FBXL4: variants seen among roughly 807,000 people sequenced by gnomAD.
FBXL4 encodes F-box/LRR-repeat protein 4.
Under a neutral mutation model 58.9 loss-of-function variants are expected in FBXL4, and 40 were observed. The observed-to-expected ratio is 0.68, with a 90% CI of 0.53 to 0.88. FBXL4 has a LOEUF of 0.88. Among genes scored for constraint, FBXL4 ranks in the 40% least tolerant of loss-of-function variants. The pLI, the probability that FBXL4 is intolerant of heterozygous loss-of-function variation, is 0.00. For synonymous variants in FBXL4, 263 were observed against 265.5 expected, an observed-to-expected ratio of 0.99 and a Z score of 0.09; for missense variants, 676 against 734.4, an observed-to-expected ratio of 0.92 and a Z score of 0.92.
At chr6:98,896,394 T>C (rs1771411201) in intron 7 of FBXL4, among the ~76,000 whole-genome samples, 1 of 152,140 alleles carries the variant, frequency 6.6e-6, no homozygotes, top group African/African-American at 2.4e-5. Context: ...AATCAGCTGA[T>C]TATTTTGCCA....
intron 7 of FBXL4, chr6:98,897,359 A>C: frequency 1.0e-6 from 1 of 984,668 alleles, no homozygotes; most frequent in Non-Finnish European, 1.2e-6. Flanking sequence ...ACACAGGCTA[A>C]TATCATCTGG....
intron 5 of FBXL4, among the ~76,000 whole-genome samples, chr6:98,915,560 G>C (rs1418103417): frequency 6.6e-6 from 1 of 151,214 alleles, no homozygotes; most frequent in Non-Finnish European, 1.5e-5. Flanking sequence ...AGAAAAACAA[G>C]CAATGGGGAA....
chr6:98,931,962 G>C (rs1773030241), intron 2 of FBXL4, among the ~76,000 whole-genome samples: 1 of 152,128 alleles, frequency 6.6e-6, no homozygotes, highest in Non-Finnish European at 1.5e-5. Context: ...TATCCCTATG[G>C]GCAATGAACC....
intron 1 of FBXL4, among the ~76,000 whole-genome samples, chr6:98,939,731 A>C (rs1435735637): frequency 6.6e-6 from 1 of 152,236 alleles, no homozygotes; most frequent in Admixed American, 6.5e-5. Flanking sequence ...TTCCGACATT[A>C]CCAGTGGCAC....
In FBXL4 at chr6:98,874,370, C is replaced by A; in HGVS notation, c.1774G>T (p.Val592Leu). The A allele has an allele frequency of 1.9e-6, 3 of 1,613,300 alleles. No homozygotes were observed. Among genetic ancestry groups the A allele is most frequent in the Non-Finnish European group, 2.5e-6 (3 of 1,179,646 alleles). The part of the protein sequence containing the change: ...ESCKDLSLLD[V>L]SFCSQIDNRA... ...TTATCAATCTGCGAACAGAAGGACA[C>A]ATCAAGTAAAGAAAGATCTTTACAA... Residue 592 changes from valine to leucine, a missense_variant, in exon 10 of 10, where the codon GTG (valine) becomes TTG (leucine). By Grantham distance (32) the Val-to-Leu change is conservative (BLOSUM62 1). Transcript: ENST00000369244.
intron 4 of FBXL4, among the ~76,000 whole-genome samples, chr6:98,918,506 T>C (rs969189371): frequency 2.6e-5 from 4 of 152,162 alleles, no homozygotes; most frequent in African/African-American, 9.6e-5. Flanking sequence ...GCCTAACTTA[T>C]ATTCCATCTC....
In FBXL4 at chr6:98,917,419, G is replaced by T; in HGVS notation, c.813C>A (p.Leu271=). 1 of 1,612,386 alleles carries T rather than the reference G, an allele frequency of 6.2e-7. No individual in the cohort carries two copies. The highest frequency in any genetic ancestry group is 8.5e-7 in the Non-Finnish European group (1 of 1,179,294). Residue 271 remains leucine (L), a synonymous_variant, in exon 5 of 10, where the codon CTC becomes CTA. Coordinates refer to ENST00000369244, the MANE Select transcript of FBXL4 (RefSeq NM_001278716.2). ...AATACCCATTATTTGGCCCTTCCCC[G>T]AGGACAGCACTGCTAAACTTTTTGT... ...SLNKKFSSAV[L]GEGPNNGYFD...
chr6:98,907,344 G>A (rs112910902), intron 5 of FBXL4, among the ~76,000 whole-genome samples: 105 of 152,312 alleles, frequency 6.9e-4, no homozygotes, highest in African/African-American at 2.4e-3. Flanking sequence ...CATTGTGGGC[G>A]TGCTACTGGG....
intron 7 of FBXL4, among the ~76,000 whole-genome samples, chr6:98,884,661 T>C (rs1770971466): frequency 6.6e-6 from 1 of 152,212 alleles, no homozygotes; most frequent in Admixed American, 6.5e-5. Flanking sequence ...CATCACAATC[T>C]GTCTAAAAAT....
chr6:98,899,520 A>C, intron 6 of FBXL4, 39 bp from the exon 7 acceptor site: 1 of 1,581,942 alleles, frequency 6.3e-7, no homozygotes, highest in Non-Finnish European at 8.6e-7. Context: ...TATAAAACTA[A>C]AAGATATTTT....
chr6:98,945,191 T>G (rs1327611714), intron 1 of FBXL4, among the ~76,000 whole-genome samples: 2 of 152,144 alleles, frequency 1.3e-5, no homozygotes, highest in African/African-American at 4.8e-5. Context: ...AACATGACAG[T>G]ATACAGAATA....
chr6:98,904,828 T>A (rs1347038838), intron 6 of FBXL4, among the ~76,000 whole-genome samples: 1 of 152,184 alleles, frequency 6.6e-6, no homozygotes, highest in Non-Finnish European at 1.5e-5. Flanking sequence ...AATATGCACT[T>A]GTGCAAGCTT....
Position 98,874,270 on chromosome 6 carries a change from A to T in FBXL4, c.*8T>A. 1 of 1,572,770 alleles carries T rather than the reference A, an allele frequency of 6.4e-7. No individual in the cohort carries two copies. The highest frequency in any genetic ancestry group is 8.6e-7 in the Non-Finnish European group (1 of 1,165,956). ...GCACATTAATTTTAATACAGAACATATATTAAGTCACTGAGTAAAGCTCTT... is the reference window on the plus strand; with the variant it reads ...GCACATTAATTTTAATACAGAACATTTATTAAGTCACTGAGTAAAGCTCTT... On this transcript the variant is annotated 3_prime_UTR_variant, in exon 10 of 10. Transcript: ENST00000369244.
intron 7 of FBXL4, among the ~76,000 whole-genome samples, chr6:98,884,967 T>G (rs924174853): frequency 2.6e-5 from 4 of 152,210 alleles, no homozygotes; most frequent in Admixed American, 2.6e-4. Context: ...TGGGCTTAAC[T>G]TAGCGACTCA....
At chr6:98,917,167 G>A (rs906542585) in intron 5 of FBXL4, among the ~76,000 whole-genome samples, 1 of 152,088 alleles carries the variant, frequency 6.6e-6, no homozygotes, top group Admixed American at 6.6e-5. Flanking sequence ...AGTTTACCCA[G>A]AAACACTAAT....
chr6:98,923,626 G>T (rs1314397411), intron 4 of FBXL4, among the ~76,000 whole-genome samples: 1 of 152,130 alleles, frequency 6.6e-6, no homozygotes, highest in African/African-American at 2.4e-5. Context: ...CCACAGATTA[G>T]GTTCTCCCCT....
chr6:98,880,047 C>CA (rs1325438510), intron 8 of FBXL4, among the ~76,000 whole-genome samples: 2 of 150,072 alleles, frequency 1.3e-5, no homozygotes, highest in East Asian at 1.9e-4. Context: ...TTTCCACACA[C>CA]AAAAAAGAGT....
chr6:98,899,607 A>C, intron 6 of FBXL4, 126 bp from the exon 7 acceptor site: 1 of 1,189,610 alleles, frequency 8.4e-7, no homozygotes, highest in East Asian at 2.6e-5. Context: ...AAAATGTAAA[A>C]TTTGTTTTGC....
rs1295393355 is a variant in FBXL4, at chr6:98,872,010, A to G, written c.*2268T>C. 1 of 152,242 alleles carries G rather than the reference A, an allele frequency of 6.6e-6. No individual in the cohort carries two copies. The highest frequency in any genetic ancestry group is 1.5e-5 in the Non-Finnish European group (1 of 68,030). The allele number at this position is 152,242 out of a possible 1,614,324, so 9.4% of individuals were successfully genotyped here. On this transcript the variant is annotated 3_prime_UTR_variant, in exon 10 of 10. Coordinates refer to ENST00000369244, the MANE Select transcript of FBXL4 (RefSeq NM_001278716.2). ...AATTACAAGGCAAAACGTGTTTACA[A>G]GCAAAACATAAGTCATTTTGATGAC...
Sources: allele counts gnomAD v4.1 joint callset (sites outside exome capture counted in the v4.1 genomes callset), GRCh38; gene constraint gnomAD v4.1.1; transcripts MANE v1.5; gene names NCBI Gene and HGNC (gene_info 2026-07-23, HGNC 2026-07-21).